Variants in BST1 observed in about 807,000 individuals in gnomAD.
BST1 encodes the protein ADP-ribosyl cyclase/cyclic ADP-ribose hydrolase 2.
Under a neutral mutation model 40.6 loss-of-function variants are expected in BST1, and 49 were observed. That is an observed-to-expected ratio of 1.21 (90% CI 0.96 to 1.53). The LOEUF is 1.53. Among genes scored for constraint, BST1 ranks in the 40% most tolerant of loss-of-function variants. BST1 has a pLI of 0.00. For missense variants in BST1, 423 were observed against 395.9 expected, an observed-to-expected ratio of 1.07 and a Z score of -0.58; for synonymous variants, 157 against 159.3, an observed-to-expected ratio of 0.99 and a Z score of 0.11.
At chr4:15,731,255 C>T (rs949770848) in intron 8 of BST1, 12 of 487,740 alleles carry the variant, frequency 2.5e-5, no homozygotes, top group Admixed American at 1.1e-4. Context: ...AGGACTGGGC[C>T]GAGGATTCGT....
At chr4:15,731,604 G>C in intron 8 of BST1, 136 bp from the exon 9 acceptor site, 1 of 1,237,960 alleles carries the variant, frequency 8.1e-7, no homozygotes, top group Non-Finnish European at 1.2e-6. Context: ...CCTACGGGGT[G>C]TCACGGGAGA....
the BST1 span, among the ~76,000 whole-genome samples, chr4:15,749,807 G>A: frequency 5.9e-5 from 9 of 152,088 alleles, no homozygotes; most frequent in Non-Finnish European, 1.0e-4. Flanking sequence ...ACCACCCCCC[G>A]AGCATTTATC....
At position 15,732,038 on chromosome 4, in the gene BST1, A is replaced by G. The variant is rs942569189; in HGVS notation, c.*193A>G. ...AAACAAGAAGTTAGTTCTATTTAGC[A>G]GGTTAAAAAATGCTGCATTAGAATT... On this transcript the variant is annotated 3_prime_UTR_variant, in exon 9 of 9. Coordinates refer to ENST00000265016, the MANE Select transcript of BST1 (RefSeq NM_004334.3). 1.2e-5 allele frequency: 15 copies of G among 1,285,016 alleles called. No homozygotes were observed. Among genetic ancestry groups the G allele is most frequent in the Admixed American group, 7.7e-5 (2 of 26,114 alleles). The allele number at this position is 1,285,016 out of a possible 1,614,324, so 79.6% of individuals were successfully genotyped here. A position where few individuals can be genotyped will look rare whatever the true frequency, so the allele number is the denominator to read the frequency against.
At chr4:15,703,715 GGGGT>G (rs1222008554) in intron 1 of BST1, among the ~76,000 whole-genome samples, 8 of 130,754 alleles carry the variant, frequency 6.1e-5, no homozygotes, top group East Asian at 4.8e-4. Flanking sequence ...TCTAGAGGTG[GGGGT>G]GTGTGTGTGT....
chr4:15,752,236 A>G, the BST1 span, among the ~76,000 whole-genome samples: 3 of 152,188 alleles, frequency 2.0e-5, no homozygotes, highest in Admixed American at 2.0e-4. Context: ...TGTATAAGGA[A>G]TAAATTGTAT....
chr4:15,703,160 T>G lies in BST1; in HGVS notation c.16T>G (p.Cys6Gly), dbSNP rs1230993200. 2.5e-6 allele frequency: 4 copies of G among 1,574,882 alleles called. No individual in the cohort carries two copies. Among genetic ancestry groups the G allele is most frequent in the Non-Finnish European group, 3.4e-6 (4 of 1,162,200 alleles). Residue 6 changes from cysteine to glycine, a missense_variant, in exon 1 of 9, where the codon TGC (cysteine) becomes GGC (glycine). By Grantham distance (159) the Cys-to-Gly change is radical. Coordinates refer to ENST00000265016, the MANE Select transcript of BST1 (RefSeq NM_004334.3). ...AAGTTCCCCGATGGCGGCCCAGGGG[T>G]GCGCGGCATCGCGGCTGCTCCAGCT... MAAQGCAASRLLQLLL... is the reference protein window; with the variant it reads MAAQGGAASRLLQLLL...
chr4:15,759,177 G>A, the BST1 span, among the ~76,000 whole-genome samples: 2 of 151,998 alleles, frequency 1.3e-5, no homozygotes, highest in Non-Finnish European at 2.9e-5. Context: ...CAGGGACGGA[G>A]AAGGACTAAG....
At chr4:15,713,044 T>A (rs1720303670) in intron 4 of BST1, among the ~76,000 whole-genome samples, 1 of 152,192 alleles carries the variant, frequency 6.6e-6, no homozygotes, top group Non-Finnish European at 1.5e-5. Flanking sequence ...AATTCTATAA[T>A]GGAAATCTCA....
In BST1 at chr4:15,712,033, C is replaced by G. The variant is rs546701378; in HGVS notation, c.534+144C>G. ...CTTTTACCACATCATGATTCATGCT[C>G]TTTGCTATATAAAGTTGTGAGAATT... is the stretch of plus-strand genomic sequence containing the variant. On this transcript the variant is annotated intron_variant, in intron 4 of 8. Transcript: ENST00000265016. 1.5e-3 allele frequency: 975 copies of G among 654,792 alleles called. 1 individual carries two copies. The highest frequency in any genetic ancestry group is 1.2e-3 in the Non-Finnish European group (456 of 374,548). The allele number at this position is 654,792 out of a possible 1,614,324, so 40.6% of individuals were successfully genotyped here.
the BST1 span, among the ~76,000 whole-genome samples, chr4:15,763,308 A>G: frequency 6.6e-6 from 1 of 151,868 alleles, no homozygotes; most frequent in Non-Finnish European, 1.5e-5. Flanking sequence ...AAGATAAGGC[A>G]AAATATGTAT....
the BST1 span, among the ~76,000 whole-genome samples, chr4:15,748,001 C>T: frequency 6.6e-6 from 1 of 152,116 alleles, no homozygotes; most frequent in Middle Eastern, 3.2e-3. Flanking sequence ...TATTTCAGGC[C>T]TTCTTTTCTC....
At chr4:15,736,501 T>C (rs897039581), downstream of BST1, among the ~76,000 whole-genome samples, 8 of 151,746 alleles carry the variant, frequency 5.3e-5, no homozygotes, top group African/African-American at 1.9e-4. Flanking sequence ...TCCCAGGTAC[T>C]CTGAAGGTTG....
At chr4:15,773,032 A>C in the BST1 span, among the ~76,000 whole-genome samples, 2 of 152,148 alleles carry the variant, frequency 1.3e-5, no homozygotes, top group Admixed American at 6.6e-5. Flanking sequence ...TGGAAAAAAA[A>C]CCCCACCAAC....
At chr4:15,740,163 C>T (rs1013896418), downstream of BST1, among the ~76,000 whole-genome samples, 1 of 152,168 alleles carries the variant, frequency 6.6e-6, no homozygotes, top group Non-Finnish European at 1.5e-5. Context: ...AAGTGATTCT[C>T]ATGCCTCGGC....
downstream of BST1, among the ~76,000 whole-genome samples, chr4:15,737,042 T>C (rs2148899880): frequency 6.6e-6 from 1 of 152,338 alleles, no homozygotes; most frequent in East Asian, 1.9e-4. Context: ...TTGCTCGCTG[T>C]GTAGCCTTGG....
At chr4:15,744,641 C>G in the BST1 span, among the ~76,000 whole-genome samples, 1 of 152,212 alleles carries the variant, frequency 6.6e-6, no homozygotes, top group African/African-American at 2.4e-5. Context: ...CCAAGACTTT[C>G]TCCCTTTGGC....
the BST1 span, among the ~76,000 whole-genome samples, chr4:15,773,814 A>G: frequency 2.0e-5 from 3 of 150,934 alleles, no homozygotes; most frequent in African/African-American, 7.5e-5. Flanking sequence ...ACAAAACAAA[A>G]CAAAAACAAA....
At chr4:15,773,861 C>T in the BST1 span, among the ~76,000 whole-genome samples, 1 of 151,984 alleles carries the variant, frequency 6.6e-6, no homozygotes, top group African/African-American at 2.4e-5. Context: ...CCATAAAAAC[C>T]AAAAACAAAA....
intron 8 of BST1, chr4:15,731,365 C>T (rs1239661840): frequency 7.8e-6 from 4 of 512,440 alleles, no homozygotes; most frequent in African/African-American, 2.0e-5. Flanking sequence ...TTCAGTACCT[C>T]GTTTTCCATG....
Sources: allele counts gnomAD v4.1 joint callset (sites outside exome capture counted in the v4.1 genomes callset), GRCh38; gene constraint gnomAD v4.1.1; transcripts MANE v1.5; gene names NCBI Gene and HGNC (gene_info 2026-07-23, HGNC 2026-07-21).